Variants in SYNPR observed in about 807,000 individuals in gnomAD.
SYNPR encodes synaptoporin.
A neutral mutation model predicts 32.9 loss-of-function variants in SYNPR; 23 were observed. That is an observed-to-expected ratio of 0.70 (90% CI 0.50 to 0.99). The LOEUF (loss-of-function observed/expected upper bound fraction) is 0.99, where lower values mean the gene tolerates loss of function less well. SYNPR is among the 50% of genes least tolerant of loss of function. The pLI is 0.00. For synonymous variants in SYNPR, 146 were observed against 135.9 expected, an observed-to-expected ratio of 1.07 and a Z score of -0.52; for missense variants, 318 against 349.3, an observed-to-expected ratio of 0.91 and a Z score of 0.71.
At chr3:63,454,474 A>G (rs1201146558) in intron 2 of SYNPR, among the ~76,000 whole-genome samples, 2 of 152,194 alleles carry the variant, frequency 1.3e-5, no homozygotes, top group Admixed American at 6.5e-5. Flanking sequence ...TAACAAAATC[A>G]TTCGTTATTT....
At chr3:63,513,484 A>G (rs997219565) in intron 3 of SYNPR, among the ~76,000 whole-genome samples, 3 of 152,254 alleles carry the variant, frequency 2.0e-5, no homozygotes, top group African/African-American at 7.2e-5. Flanking sequence ...GCATGGTATT[A>G]TAGGATAGAT....
intron 2 of SYNPR, among the ~76,000 whole-genome samples, chr3:63,311,071 G>T (rs1370876246): frequency 2.0e-5 from 3 of 152,108 alleles, no homozygotes; most frequent in Admixed American, 6.6e-5. Context: ...ACTAGTGAAT[G>T]AACAGATGCC....
rs751602388 is a variant in SYNPR at position 63,556,607 on chromosome 3, A to G, written c.274A>G (p.Ile92Val). 6.2e-7 allele frequency: 1 copy of G among 1,613,796 alleles called. No individual in the cohort carries two copies. Among genetic ancestry groups the G allele is most frequent in the South Asian group, 1.1e-5 (1 of 91,054 alleles). The change falls in exon 4 of 6, where the codon ATT becomes GTT. Residue 92 changes from isoleucine (I) to valine (V), a missense_variant. Transcript: ENST00000478300. ...EGKERQKLAL[I>V]GDSSSSAEFF... ...AAAGGAACGGCAGAAGCTGGCATTG[A>G]TTGGTGACTCCTCGTCTTCAGCAGA...
At chr3:63,571,684 G>A (rs908515530) in intron 4 of SYNPR, among the ~76,000 whole-genome samples, 1 of 152,062 alleles carries the variant, frequency 6.6e-6, no homozygotes, top group African/African-American at 2.4e-5. Context: ...AATTCACCCA[G>A]ACTTTATACT....
intron 2 of SYNPR, among the ~76,000 whole-genome samples, chr3:63,442,678 G>T (rs142704915): frequency 9.2e-5 from 14 of 152,218 alleles, no homozygotes; most frequent in African/African-American, 2.9e-4. Flanking sequence ...TGCAGGAGAC[G>T]TCTTTAAGTA....
intron 2 of SYNPR, among the ~76,000 whole-genome samples, chr3:63,304,152 C>G (rs374444835): frequency 1.3e-5 from 2 of 151,894 alleles, no homozygotes; most frequent in East Asian, 3.9e-4. Flanking sequence ...TTGAAAAAAG[C>G]AACAGCTGGG....
At chr3:63,499,993 A>AT (rs1575677558) in intron 3 of SYNPR, among the ~76,000 whole-genome samples, 3 of 152,266 alleles carry the variant, frequency 2.0e-5, no homozygotes, top group South Asian at 4.1e-4. Context: ...TTGGGATTAA[A>AT]TTTTTTTAAA....
At chr3:63,340,312 T>C (rs1264348145) in intron 2 of SYNPR, among the ~76,000 whole-genome samples, 2 of 152,030 alleles carry the variant, frequency 1.3e-5, no homozygotes, top group Non-Finnish European at 1.5e-5. Flanking sequence ...ATTTTTTTTC[T>C]CAATATTTTG....
intron 2 of SYNPR, among the ~76,000 whole-genome samples, chr3:63,362,592 G>A (rs1454289807): frequency 3.9e-5 from 6 of 152,158 alleles, no homozygotes; most frequent in Admixed American, 3.3e-4. Context: ...GGATCTTAGA[G>A]TCTGGTGGAC....
At position 63,320,257 on chromosome 3, in the gene SYNPR, T is replaced by G. The variant is rs550611853; in HGVS notation, c.84+41515T>G. ...TGAGCCACCATGCCTGGCCTACATT[T>G]ATTTTCACTATTTCCTGATTATAAT... On this transcript the variant is annotated intron_variant, in intron 2 of 5. Transcript: ENST00000478300. Among the ~76,000 whole-genome samples, 36 of 152,180 alleles carry G rather than the reference T, an allele frequency of 2.4e-4. 1 individual carries two copies. In the Middle Eastern group the frequency reaches 0.01, roughly 43 times the overall value.
At chr3:63,285,067 T>A (rs34494026) in intron 2 of SYNPR, among the ~76,000 whole-genome samples, 2,552 of 152,312 alleles carry the variant, frequency 0.017, 50 homozygotes, top group Non-Finnish European at 0.025. Flanking sequence ...ACTTGCCATA[T>A]CTTATCCCTG....
intron 2 of SYNPR, among the ~76,000 whole-genome samples, chr3:63,379,600 C>T (rs376992960): frequency 5.7e-4 from 86 of 152,160 alleles, no homozygotes; most frequent in African/African-American, 2.0e-3. Context: ...ATTTTCTTTA[C>T]TTTGAAGTTT....
At chr3:63,539,806 C>A (rs1311842717) in intron 3 of SYNPR, among the ~76,000 whole-genome samples, 1 of 152,084 alleles carries the variant, frequency 6.6e-6, no homozygotes, top group Non-Finnish European at 1.5e-5. Flanking sequence ...GGGCTCAGTC[C>A]TGCTGGGATC....
At chr3:63,354,837 T>C (rs2087554417) in intron 2 of SYNPR, among the ~76,000 whole-genome samples, 1 of 152,220 alleles carries the variant, frequency 6.6e-6, no homozygotes, top group Non-Finnish European at 1.5e-5. Context: ...CTGACATGCA[T>C]CTTTATAGTA....
chr3:63,588,369 T>A (rs1703230117), intron 4 of SYNPR, among the ~76,000 whole-genome samples: 1 of 152,070 alleles, frequency 6.6e-6, no homozygotes, highest in Non-Finnish European at 1.5e-5. Flanking sequence ...CTACACTTCC[T>A]CCAGATGTTT....
intron 2 of SYNPR, chr3:63,443,228 G>A: frequency 1.4e-6 from 2 of 1,395,544 alleles, no homozygotes; most frequent in Non-Finnish European, 1.9e-6. Flanking sequence ...CTAATAATAT[G>A]ACCGTTTTGC....
At chr3:63,260,685 C>A (rs1341087968) in intron 2 of SYNPR, among the ~76,000 whole-genome samples, 1 of 151,836 alleles carries the variant, frequency 6.6e-6, no homozygotes, top group East Asian at 1.9e-4. Flanking sequence ...TCTAAAACAC[C>A]AAAAGCAATG....
intron 2 of SYNPR, among the ~76,000 whole-genome samples, chr3:63,287,584 A>G (rs1246074657): frequency 5.9e-5 from 9 of 152,234 alleles, no homozygotes; most frequent in African/African-American, 2.2e-4. Context: ...GGCCAACATC[A>G]GGGACATCGG....
At chr3:63,305,472 T>C (rs950194478) in intron 2 of SYNPR, among the ~76,000 whole-genome samples, 2 of 152,086 alleles carry the variant, frequency 1.3e-5, no homozygotes, top group East Asian at 3.9e-4. Flanking sequence ...AATTGAAAGC[T>C]TGTTGAATAT....
Sources: gnomAD v4.1 joint callset for allele counts (sites outside exome capture counted in the v4.1 genomes callset) on GRCh38, gnomAD v4.1.1 for gene constraint, MANE v1.5 for transcripts, NCBI Gene and HGNC (gene_info 2026-07-23, HGNC 2026-07-21) for gene names.